The following KCNMB2 variants were observed in gnomAD, a reference collection of about 807,000 sequenced individuals.
The protein encoded by KCNMB2 is calcium-activated potassium channel subunit beta-2.
A neutral mutation model predicts 24.5 loss-of-function variants in KCNMB2; 9 were observed. That is an observed-to-expected ratio of 0.37 (90% CI 0.22 to 0.64). KCNMB2 has a LOEUF of 0.64. Ranked by LOEUF, KCNMB2 falls within the 30% of genes least tolerant of loss-of-function variation. The probability of loss-of-function intolerance (pLI) is 0.63; values close to 1 mark genes in which losing one functional copy is unlikely to be tolerated. For synonymous variants in KCNMB2, 109 were observed against 104.4 expected (o/e 1.04, Z -0.27); for missense variants, 226 against 284.3 (o/e 0.79, Z 1.47).
intron 1 of KCNMB2, among the ~76,000 whole-genome samples, chr3:178,599,833 A>C (rs1203182784): frequency 6.6e-6 from 1 of 152,112 alleles, no homozygotes; most frequent in East Asian, 1.9e-4. Context: ...ACTAATCTAG[A>C]TACCTCATAC....
intron 1 of KCNMB2, among the ~76,000 whole-genome samples, chr3:178,699,337 G>A (rs1262798711): frequency 6.6e-6 from 1 of 152,234 alleles, no homozygotes; most frequent in East Asian, 1.9e-4. Context: ...AGTGAGTGAA[G>A]GGGAGTGGAC....
intron 1 of KCNMB2, among the ~76,000 whole-genome samples, chr3:178,598,056 A>AC (rs34446910): frequency 0.03 from 4,629 of 152,088 alleles, 251 homozygotes; most frequent in African/African-American, 0.11. Context: ...ACAAAACAAA[A>AC]AAAAAAACAA....
intron 1 of KCNMB2, among the ~76,000 whole-genome samples, chr3:178,789,035 T>G (rs1713219058): frequency 6.6e-6 from 1 of 152,130 alleles, no homozygotes; most frequent in East Asian, 1.9e-4. Context: ...ATGGTGAAAC[T>G]GGGGGAATAG....
At chr3:178,772,614 A>C (rs557537930) in intron 1 of KCNMB2, among the ~76,000 whole-genome samples, 1 of 152,350 alleles carries the variant, frequency 6.6e-6, no homozygotes, top group African/African-American at 2.4e-5. Flanking sequence ...ACCCAGTCTC[A>C]GGTATGTCTT....
At chr3:178,813,744 G>A (rs1714288281) in intron 2 of KCNMB2, among the ~76,000 whole-genome samples, 1 of 151,952 alleles carries the variant, frequency 6.6e-6, no homozygotes, top group Admixed American at 6.6e-5. Context: ...TGTAATTTTG[G>A]TCTGTTTAAT....
intron 1 of KCNMB2, among the ~76,000 whole-genome samples, chr3:178,690,638 G>T (rs958741166): frequency 1.3e-5 from 2 of 152,130 alleles, no homozygotes; most frequent in African/African-American, 4.8e-5. Flanking sequence ...ACTACTTTGG[G>T]AAAATTAGCC....
intron 1 of KCNMB2, among the ~76,000 whole-genome samples, chr3:178,607,047 C>G (rs1718297744): frequency 6.6e-6 from 1 of 152,138 alleles, no homozygotes. Flanking sequence ...ATAAGCAACC[C>G]AGCTTATGGT....
intron 1 of KCNMB2, among the ~76,000 whole-genome samples, chr3:178,700,996 A>G (rs1005073606): frequency 3.9e-5 from 6 of 152,124 alleles, no homozygotes; most frequent in African/African-American, 1.4e-4. Context: ...TTTTGTTGCC[A>G]TTGCTTTTGG....
At chr3:178,558,763 T>C (rs1037259840) in intron 1 of KCNMB2, 2 of 152,198 alleles carry the variant, frequency 1.3e-5, no homozygotes, top group African/African-American at 4.8e-5. Flanking sequence ...CTGTTTACCT[T>C]GCATGGTTGA....
chr3:178,645,975 G>C (rs959984483), intron 1 of KCNMB2, among the ~76,000 whole-genome samples: 47 of 152,138 alleles, frequency 3.1e-4, no homozygotes, highest in African/African-American at 1.1e-3. Flanking sequence ...CACATAATGA[G>C]GGCACATATT....
At chr3:178,777,234 G>C (rs1712617960) in intron 1 of KCNMB2, among the ~76,000 whole-genome samples, 1 of 152,100 alleles carries the variant, frequency 6.6e-6, no homozygotes, top group South Asian at 2.1e-4. Context: ...AGGAGTTCAA[G>C]ACCAGCCTGG....
In KCNMB2 at chr3:178,590,393, CT is replaced by C. The variant is rs530161953; in HGVS notation, c.-68+53685del. On this transcript the variant is annotated intron_variant, in intron 1 of 4. Transcript: ENST00000452583. ...GGATTTAGAGGAAAAAAAAGAGAGC[CT>C]TTCAACATTTTCAAATTTCAAAAAT... Among the ~76,000 whole-genome samples the C allele has an allele frequency of 1.4e-4, 21 of 152,218 alleles. No individual in the cohort carries two copies. The South Asian group carries it at 4.1e-3, about 30-fold the overall frequency.
intron 1 of KCNMB2, among the ~76,000 whole-genome samples, chr3:178,545,532 G>T (rs1439237896): frequency 6.6e-6 from 1 of 152,230 alleles, no homozygotes; most frequent in Non-Finnish European, 1.5e-5. Context: ...CTTTGCATCA[G>T]ATGCAGAGAA....
rs776702750 is a variant in KCNMB2 at position 178,825,697 on chromosome 3, G to C, written c.166G>C (p.Val56Leu). The C allele has an allele frequency of 2.0e-5, 33 of 1,613,868 alleles. No individual in the cohort carries two copies. The highest frequency in any genetic ancestry group is 2.8e-5 in the Non-Finnish European group (33 of 1,179,920). ...TATTCTCCTGGGACTGGCTATGATG[G>C]TGTGCTCCATCATGATGTATTTTCT... The part of the protein sequence containing the change: ...RAILLGLAMM[V>L]CSIMMYFLLG... Residue 56 changes from valine (V) to leucine (L), a missense_variant, in exon 3 of 5, where the codon GTG (valine) becomes CTG (leucine). Physicochemically the swap from Val to Leu is conservative, Grantham distance 32 (BLOSUM62 1). Transcript: ENST00000452583.
At chr3:178,782,939 T>C (rs1258967258) in intron 1 of KCNMB2, among the ~76,000 whole-genome samples, 1 of 151,222 alleles carries the variant, frequency 6.6e-6, no homozygotes, top group Non-Finnish European at 1.5e-5. Context: ...AACATTTAAG[T>C]CTTTAATCCA....
intron 2 of KCNMB2, among the ~76,000 whole-genome samples, chr3:178,822,797 A>C (rs1714684505): frequency 6.6e-6 from 1 of 152,202 alleles, no homozygotes; most frequent in Admixed American, 6.5e-5. Context: ...TACACGTTTG[A>C]ATCATTTTTA....
intron 1 of KCNMB2, among the ~76,000 whole-genome samples, chr3:178,646,661 A>T (rs1181229917): frequency 1.3e-5 from 2 of 152,222 alleles, no homozygotes; most frequent in African/African-American, 4.8e-5. Flanking sequence ...ACTACAGAAG[A>T]CAGGGTGATG....
chr3:178,627,333 G>C (rs1416824157), intron 1 of KCNMB2, among the ~76,000 whole-genome samples: 1 of 152,082 alleles, frequency 6.6e-6, no homozygotes, highest in Non-Finnish European at 1.5e-5. Flanking sequence ...TTTGAAACAA[G>C]AATTTGAAGC....
rs776702750 is a variant in KCNMB2, at chr3:178,825,697, G to A, written c.166G>A (p.Val56Met). The A allele has an allele frequency of 6.2e-7, 1 of 1,613,986 alleles. No homozygotes were observed. The highest frequency in any genetic ancestry group is 1.1e-5 in the South Asian group (1 of 91,080). Residue 56 changes from valine (V) to methionine (M), a missense_variant, in exon 3 of 5, where the codon GTG becomes ATG. Val to Met is a conservative substitution (Grantham distance 21). Coordinates refer to ENST00000452583, the MANE Select transcript of KCNMB2 (RefSeq NM_181361.3). ...RAILLGLAMMVCSIMMYFLLG... is the reference protein window; with the variant it reads ...RAILLGLAMMMCSIMMYFLLG... ...TATTCTCCTGGGACTGGCTATGATGGTGTGCTCCATCATGATGTATTTTCT... is the reference window on the plus strand; with the variant it reads ...TATTCTCCTGGGACTGGCTATGATGATGTGCTCCATCATGATGTATTTTCT...
Sources: allele counts gnomAD v4.1 joint callset (sites outside exome capture counted in the v4.1 genomes callset), GRCh38; gene constraint gnomAD v4.1.1; transcripts MANE v1.5; gene names NCBI Gene and HGNC (gene_info 2026-07-23, HGNC 2026-07-21).